Variants in PCDH15 observed in about 807,000 individuals in gnomAD.
PCDH15 encodes protocadherin-15.
PCDH15 carries 129 observed loss-of-function variants against 178.5 expected under a neutral mutation model. That is an observed-to-expected ratio of 0.72 (90% CI 0.63 to 0.84). The LOEUF (loss-of-function observed/expected upper bound fraction) is 0.84. Ranked by LOEUF, PCDH15 falls within the 40% of genes least tolerant of loss-of-function variation. PCDH15 has a pLI of 0.00. For synonymous variants in PCDH15, 800 were observed against 732.0 expected (o/e 1.09, Z -1.50); for missense variants, 2,230 against 2,099.9 (o/e 1.06, Z -1.21).
intron 20 of PCDH15, among the ~76,000 whole-genome samples, chr10:54,012,330 AG>A (rs1472559815): frequency 6.6e-6 from 1 of 152,206 alleles, no homozygotes; most frequent in Non-Finnish European, 1.5e-5. Context: ...GGCGTCACTG[AG>A]GGAAATGGGG....
intron 1 of PCDH15, among the ~76,000 whole-genome samples, chr10:55,191,143 A>G (rs1209780681): frequency 6.6e-6 from 1 of 151,756 alleles, no homozygotes; most frequent in Non-Finnish European, 1.5e-5. Flanking sequence ...ATCTTGTATT[A>G]AACATCATAG....
chr10:55,586,562 T>C (rs1164066908), intron 2 of PCDH15, among the ~76,000 whole-genome samples: 5 of 152,094 alleles, frequency 3.3e-5, no homozygotes, highest in African/African-American at 1.2e-4. Context: ...ACTAATCCTT[T>C]TGAAAATATA....
intron 2 of PCDH15, among the ~76,000 whole-genome samples, chr10:55,604,424 C>G (rs1265413527): frequency 6.6e-6 from 1 of 152,140 alleles, no homozygotes; most frequent in East Asian, 1.9e-4. Context: ...CTCTCCACCC[C>G]ATATCAACGG....
At chr10:54,824,137 G>T (rs917861063) in intron 3 of PCDH15, among the ~76,000 whole-genome samples, 5 of 152,072 alleles carry the variant, frequency 3.3e-5, no homozygotes, top group Non-Finnish European at 7.4e-5. Context: ...AAACTCAAGA[G>T]ATTTTATTTC....
intron 2 of PCDH15, among the ~76,000 whole-genome samples, chr10:55,463,993 G>A (rs55933772): frequency 0.012 from 72 of 5,882 alleles, 1 homozygote; most frequent in South Asian, 0.031. Flanking sequence ...GAAAGAAAGA[G>A]AAAGAAAGAA....
chr10:54,329,849 T>C (rs1403156045), intron 6 of PCDH15, 143 bp from the exon 7 acceptor site: 1 of 686,444 alleles, frequency 1.5e-6, no homozygotes, highest in Non-Finnish European at 2.6e-6. Flanking sequence ...TCAGAGTCAA[T>C]ATTGTTATCA....
chr10:55,026,585 G>A (rs1840480071), intron 2 of PCDH15, among the ~76,000 whole-genome samples: 1 of 151,860 alleles, frequency 6.6e-6, no homozygotes, highest in Non-Finnish European at 1.5e-5. Context: ...GTAAATTAAT[G>A]TTATGAGCAA....
intron 25 of PCDH15, among the ~76,000 whole-genome samples, chr10:53,924,312 G>A (rs1474772062): frequency 6.6e-6 from 1 of 152,222 alleles, no homozygotes; most frequent in Non-Finnish European, 1.5e-5. Flanking sequence ...GCAGTGAGGG[G>A]CTTAGCACCC....
intron 10 of PCDH15, among the ~76,000 whole-genome samples, chr10:54,201,363 C>T (rs1161965698): frequency 6.6e-6 from 1 of 151,814 alleles, no homozygotes; most frequent in Non-Finnish European, 1.5e-5. Context: ...TAAGGTAATA[C>T]CACATTTTAA....
At chr10:54,257,176 A>G (rs1591451970) in intron 8 of PCDH15, among the ~76,000 whole-genome samples, 1 of 152,074 alleles carries the variant, frequency 6.6e-6, no homozygotes, top group Non-Finnish European at 1.5e-5. Context: ...AGTTGAAAAT[A>G]TAATTGTAAA....
At chr10:55,136,021 G>A (rs1034040306) in intron 2 of PCDH15, among the ~76,000 whole-genome samples, 3 of 152,086 alleles carry the variant, frequency 2.0e-5, no homozygotes, top group Non-Finnish European at 2.9e-5. Flanking sequence ...ACATAATAAT[G>A]AAGTACAACA....
rs376266780 is a variant in PCDH15, at chr10:54,060,404, CAT to C, written c.2220+6351_2220+6352del. ...CATAAACAATTGTTTGCATTTAGTT[CAT>C]AGTGTTGTAAAAAATATTACTTTCT... On this transcript the variant is annotated intron_variant, in intron 18 of 37. Transcript: ENST00000644397. Among the ~76,000 whole-genome samples, 777 of 152,168 alleles carry C rather than the reference CAT, an allele frequency of 5.1e-3. 5 individuals carry two copies. The highest frequency in any genetic ancestry group is 0.018 in the African/African-American group (732 of 41,528).
At chr10:54,881,069 T>G (rs1416268598) in intron 3 of PCDH15, among the ~76,000 whole-genome samples, 2 of 152,074 alleles carry the variant, frequency 1.3e-5, no homozygotes, top group Non-Finnish European at 2.9e-5. Context: ...CAGCATTGAC[T>G]TCCAGCATCT....
intron 2 of PCDH15, among the ~76,000 whole-genome samples, chr10:54,928,320 T>C (rs551779764): frequency 6.6e-6 from 1 of 151,954 alleles, no homozygotes; most frequent in African/African-American, 2.4e-5. Context: ...ATTAGTCTGA[T>C]GAGCTTCCCT....
intron 8 of PCDH15, among the ~76,000 whole-genome samples, chr10:54,301,619 G>A (rs73243255): frequency 0.045 from 6,855 of 152,188 alleles, 516 homozygotes; most frequent in African/African-American, 0.16. Context: ...CTAGATGACT[G>A]GGCCTTGATA....
At chr10:54,747,525 A>G (rs1945620270) in intron 1 of PCDH15, among the ~76,000 whole-genome samples, 1 of 152,222 alleles carries the variant, frequency 6.6e-6, no homozygotes, top group Non-Finnish European at 1.5e-5. Flanking sequence ...AATAAAGCAT[A>G]ACTACAGTTT....
At chr10:54,952,577 A>C (rs909847132) in intron 2 of PCDH15, among the ~76,000 whole-genome samples, 1 of 151,740 alleles carries the variant, frequency 6.6e-6, no homozygotes, top group African/African-American at 2.4e-5. Context: ...TGAATCTATA[A>C]AGTTGGGAAG....
chr10:54,810,752 AT>A (rs1295642928), intron 3 of PCDH15, among the ~76,000 whole-genome samples: 3 of 152,156 alleles, frequency 2.0e-5, no homozygotes, highest in African/African-American at 4.8e-5. Context: ...TAGAAAAAAA[AT>A]AATTGCAATA....
intron 1 of PCDH15, among the ~76,000 whole-genome samples, chr10:54,758,571 C>G (rs1434215049): frequency 6.6e-6 from 1 of 152,120 alleles, no homozygotes; most frequent in African/African-American, 2.4e-5. Context: ...TTGAGTATCT[C>G]TTCATATTAA....
Sources: gnomAD v4.1 joint callset for allele counts (sites outside exome capture counted in the v4.1 genomes callset) on GRCh38, gnomAD v4.1.1 for gene constraint, MANE v1.5 for transcripts, NCBI Gene and HGNC (gene_info 2026-07-23, HGNC 2026-07-21) for gene names.